Variants in FGF14 observed in about 807,000 individuals in gnomAD.
FGF14 encodes fibroblast growth factor homologous factor 4.
FGF14 carries 5 observed loss-of-function variants against 25.5 expected under a neutral mutation model. The observed-to-expected ratio is 0.20, with a 90% CI of 0.10 to 0.41. FGF14 has a LOEUF of 0.41. FGF14 is among the 10% of genes least tolerant of loss of function. FGF14 has a pLI of 1.00. For synonymous variants in FGF14, 138 were observed against 118.3 expected (o/e 1.17, Z -1.08); for missense variants, 222 against 320.1 (o/e 0.69, Z 2.34).
Position 102,167,312 on chromosome 13 carries a change from CAAAAA to C in FGF14, c.208+234154_208+234158del, listed in dbSNP as rs10689114. On this transcript the variant is annotated intron_variant, in intron 1 of 4. Coordinates refer to the FGF14 transcript ENST00000376131. ...GAGATTGCACCATTGCACTCCATCTCAAAAAAAAAAAAAAAAAAAAAAGGAAATTG... is the reference window on the plus strand; with the variant it reads ...GAGATTGCACCATTGCACTCCATCTCAAAAAAAAAAAAAAAAAGGAAATTG... Among the ~76,000 whole-genome samples, 71 of 72,748 alleles carry C rather than the reference CAAAAA, an allele frequency of 9.8e-4. 1 individual carries two copies. The highest frequency in any genetic ancestry group is 6.4e-3 in the East Asian group (15 of 2,360). The allele number at this position is 72,748 out of a possible 152,430, so 47.7% of individuals were successfully genotyped here.
intron 1 of FGF14, among the ~76,000 whole-genome samples, chr13:102,026,805 TAAG>T (rs1378608027): frequency 2.6e-5 from 4 of 151,894 alleles, no homozygotes; most frequent in Admixed American, 1.3e-4. Flanking sequence ...ATTATTTACA[TAAG>T]AAATTGTTTT....
At chr13:102,085,035 G>A (rs944735156) in intron 1 of FGF14, among the ~76,000 whole-genome samples, 7 of 152,168 alleles carry the variant, frequency 4.6e-5, no homozygotes, top group Admixed American at 4.6e-4. Flanking sequence ...AAATATCATT[G>A]ACCAAATTTG....
intron 1 of FGF14, among the ~76,000 whole-genome samples, chr13:102,175,690 A>G (rs936217408): frequency 6.6e-6 from 1 of 152,126 alleles, no homozygotes; most frequent in Non-Finnish European, 1.5e-5. Context: ...TAAGATCTAT[A>G]ATATGTAAGG....
chr13:102,064,645 T>C (rs945526238), intron 1 of FGF14, among the ~76,000 whole-genome samples: 2 of 152,078 alleles, frequency 1.3e-5, no homozygotes, highest in Non-Finnish European at 2.9e-5. Context: ...GTAAGTCTTT[T>C]AATGATATAG....
At chr13:101,826,501 C>T (rs547161658) in intron 3 of FGF14, among the ~76,000 whole-genome samples, 1 of 152,062 alleles carries the variant, frequency 6.6e-6, no homozygotes, top group Non-Finnish European at 1.5e-5. Flanking sequence ...TTCATCACCT[C>T]AAACTTCCCA....
At chr13:101,834,032 G>A (rs73557500) in intron 3 of FGF14, among the ~76,000 whole-genome samples, 2,918 of 152,082 alleles carry the variant, frequency 0.019, 101 homozygotes, top group African/African-American at 0.066. Context: ...TTTCTGAAAC[G>A]AATAATATCA....
At position 102,346,566 on chromosome 13, in the gene FGF14, TTATA is replaced by T. The variant is rs905022666; in HGVS notation, c.208+54901_208+54904del. Reference sequence around the variant, plus strand: ...TGGCAGCGTACAGAGCCATATATATTTATATATATAGAGAGAGAGAACATATAAG... The same window carrying T: ...TGGCAGCGTACAGAGCCATATATATTTATATAGAGAGAGAGAACATATAAG... On this transcript the variant is annotated intron_variant, in intron 1 of 4. Transcript: ENST00000376131. 2.9e-3 allele frequency among the ~76,000 whole-genome samples: 446 copies of T among 152,044 alleles called. 2 individuals carry two copies. Among genetic ancestry groups the T allele is most frequent in the African/African-American group, 0.01 (426 of 41,448 alleles).
At chr13:102,220,674 G>A (rs1037130726) in intron 1 of FGF14, among the ~76,000 whole-genome samples, 23 of 152,148 alleles carry the variant, frequency 1.5e-4, no homozygotes, top group Non-Finnish European at 1.8e-4. Context: ...TTTTTCAAAA[G>A]CACATTTTCT....
intron 1 of FGF14, among the ~76,000 whole-genome samples, chr13:102,140,252 TAA>T (rs1043229832): frequency 3.3e-5 from 5 of 152,148 alleles, no homozygotes; most frequent in African/African-American, 1.2e-4. Flanking sequence ...TAGACATAAA[TAA>T]AATGACTACC....
chr13:101,950,751 G>GTTTTTTTTTTTTTTTT (rs61285721), intron 1 of FGF14, among the ~76,000 whole-genome samples: 2 of 131,970 alleles, frequency 1.5e-5, no homozygotes, highest in African/African-American at 2.7e-5. Context: ...ACCTAATCAT[G>GTTTTTTTTTTTTTTTT]TTTTTTTTTT....
At chr13:102,027,876 T>C (rs4313682) in intron 1 of FGF14, among the ~76,000 whole-genome samples, 47,813 of 151,896 alleles carry the variant, frequency 0.31, 8,470 homozygotes, top group East Asian at 0.73. Context: ...ATGACTATTA[T>C]TGTTGTGACA....
At chr13:102,184,117 G>A (rs1185189168) in intron 1 of FGF14, among the ~76,000 whole-genome samples, 1 of 152,180 alleles carries the variant, frequency 6.6e-6, no homozygotes, top group Non-Finnish European at 1.5e-5. Flanking sequence ...AGCCCCTGCT[G>A]TACTCGTAGA....
intron 1 of FGF14, among the ~76,000 whole-genome samples, chr13:102,130,391 G>C (rs556303464): frequency 1.3e-5 from 2 of 152,168 alleles, no homozygotes; most frequent in South Asian, 2.1e-4. Flanking sequence ...ATCTTTGCCC[G>C]AAATGATGGG....
chr13:101,764,630 T>G (rs893254954), intron 3 of FGF14, among the ~76,000 whole-genome samples: 1 of 152,194 alleles, frequency 6.6e-6, no homozygotes, highest in African/African-American at 2.4e-5. Context: ...ATTGGCCTTT[T>G]GGGCCATGTC....
chr13:102,168,547 G>C (rs531844032), intron 1 of FGF14, among the ~76,000 whole-genome samples: 15 of 152,150 alleles, frequency 9.9e-5, no homozygotes, highest in Admixed American at 1.3e-4. Context: ...TTTAGAGCAG[G>C]GCTACCCTTT....
At chr13:102,166,849 GTGTATTTCCTCT>G (rs1183174539) in intron 1 of FGF14, among the ~76,000 whole-genome samples, 1 of 152,112 alleles carries the variant, frequency 6.6e-6, no homozygotes, top group Non-Finnish European at 1.5e-5. Context: ...GAACCTAGCC[GTGTATTTCCTCT>G]TGAAACAGAG....
chr13:102,389,946 G>A (rs2139224494), intron 1 of FGF14, among the ~76,000 whole-genome samples: 1 of 152,304 alleles, frequency 6.6e-6, no homozygotes, highest in South Asian at 2.1e-4. Context: ...GGTAAACTGT[G>A]AGACCCTTGG....
intron 1 of FGF14, among the ~76,000 whole-genome samples, chr13:102,062,545 T>C (rs2042734637): frequency 1.3e-5 from 2 of 152,062 alleles, no homozygotes; most frequent in Admixed American, 1.3e-4. Context: ...AAAACTAACA[T>C]CAAAATGAAG....
intron 1 of FGF14, among the ~76,000 whole-genome samples, chr13:102,060,390 G>A (rs2042628976): frequency 1.3e-5 from 2 of 152,140 alleles, no homozygotes; most frequent in Non-Finnish European, 2.9e-5. Flanking sequence ...GCCGGGCATG[G>A]TGGCGGGCGC....
Sources: allele counts gnomAD v4.1 joint callset (sites outside exome capture counted in the v4.1 genomes callset), GRCh38; gene constraint gnomAD v4.1.1; transcripts MANE v1.5; gene names NCBI Gene and HGNC (gene_info 2026-07-23, HGNC 2026-07-21).